Variants in TRRAP observed in about 807,000 individuals in gnomAD.
TRRAP encodes the protein transformation/transcription domain associated protein.
A neutral mutation model predicts 438.8 loss-of-function variants in TRRAP; 41 were observed. The observed-to-expected ratio is 0.09, with a 90% CI of 0.07 to 0.12. The LOEUF (loss-of-function observed/expected upper bound fraction) is 0.12, where lower values mean the gene tolerates loss of function less well. Ranked by LOEUF, TRRAP falls within the 10% of genes least tolerant of loss-of-function variation. TRRAP has a pLI of 1.00. For synonymous variants in TRRAP, 1,994 were observed against 1,962.9 expected (o/e 1.02, Z -0.42); for missense variants, 3,122 against 5,055.1 (o/e 0.62, Z 11.60).
At chr7:98,989,152 TG>T (rs1473492624) in intron 63 of TRRAP, among the ~76,000 whole-genome samples, 186 bp downstream of exon 63, 1 of 152,230 alleles carries the variant, frequency 6.6e-6, no homozygotes, top group East Asian at 1.9e-4. Flanking sequence ...AACTGAGGCC[TG>T]GACACTCTTA....
intron 23 of TRRAP, among the ~76,000 whole-genome samples, chr7:98,929,257 TA>T (rs1366901272): frequency 6.6e-6 from 1 of 152,088 alleles, no homozygotes; most frequent in South Asian, 2.1e-4. Context: ...AGCTAATTTT[TA>T]AAAAAATTTT....
intron 67 of TRRAP, chr7:98,998,916 G>T: frequency 2.0e-6 from 1 of 491,804 alleles, no homozygotes; most frequent in South Asian, 3.4e-5. Flanking sequence ...CCCCATGGTA[G>T]GTCAGTCTGC....
chr7:98,883,138 A>G (rs1795538648), intron 3 of TRRAP, among the ~76,000 whole-genome samples: 1 of 152,218 alleles, frequency 6.6e-6, no homozygotes, highest in South Asian at 2.1e-4. Context: ...ATTGTCCTGC[A>G]TGTCCCTCAG....
intron 45 of TRRAP, 95 bp from the exon 46 acceptor site, chr7:98,961,166 A>T: frequency 8.8e-7 from 1 of 1,138,414 alleles, no homozygotes; most frequent in Non-Finnish European, 1.3e-6. Flanking sequence ...CCAAATAATT[A>T]ATCCAGTGCT....
In TRRAP at chr7:98,910,217, T is replaced by TTCC; in HGVS notation, c.1512_1513insTCC (p.Pro504_Ala505insSer). ...CTGCTCCCTCCCCAGCCCCTGTCCC[T>TTCC]GCCCCACCTCCACCCCCGCCCCCAC... On this transcript the variant is annotated inframe_insertion, in exon 15 of 73. Transcript: ENST00000456197. 1.9e-6 allele frequency: 2 copies of TTCC among 1,045,582 alleles called. No homozygotes were observed. Among genetic ancestry groups the TTCC allele is most frequent in the Non-Finnish European group, 2.5e-6 (2 of 806,028 alleles). The allele number at this position is 1,045,582 out of a possible 1,614,324, so 64.8% of individuals were successfully genotyped here.
At position 98,917,508 on chromosome 7, in the gene TRRAP, G is replaced by C. The variant is rs1554409697; in HGVS notation, c.2451G>C (p.Leu817=). 1 of 1,614,184 alleles carries C rather than the reference G, an allele frequency of 6.2e-7. No individual in the cohort carries two copies. Among genetic ancestry groups the C allele is most frequent in the Admixed American group, 1.7e-5 (1 of 60,008 alleles). Residue 817 remains leucine (L), a synonymous_variant, in exon 20 of 73, where the codon CTG becomes CTC. Coordinates refer to ENST00000456197, the MANE Select transcript of TRRAP (RefSeq NM_001375524.1). ...TGTGTCTCACCGTCCCTGTGCGGCT[G>C]AGCTCGCTTTTGCCGTACCTGCCCA... The part of the protein sequence containing the change: ...VELCLTVPVR[L]SSLLPYLPML...
At chr7:98,993,498 G>A (rs894754532) in intron 65 of TRRAP, 40 bp from the exon 66 acceptor site, 9 of 1,598,434 alleles carry the variant, frequency 5.6e-6, no homozygotes, top group South Asian at 2.2e-5. Context: ...GGCGTCTGTC[G>A]GTTTTGCGCT....
chr7:98,969,556 CAG>C (rs1390502171), intron 51 of TRRAP, among the ~76,000 whole-genome samples: 1 of 152,236 alleles, frequency 6.6e-6, no homozygotes, highest in East Asian at 1.9e-4. Context: ...AGTGGGTGCT[CAG>C]GGAATATTCG....
In TRRAP at chr7:98,954,381, C is replaced by T. The variant is rs114652914; in HGVS notation, c.5731-717C>T. On this transcript the variant is annotated intron_variant, in intron 40 of 72. Coordinates refer to ENST00000456197, the MANE Select transcript of TRRAP (RefSeq NM_001375524.1). ...ATCACTGATAGTTCTTCTGTGAGAC[C>T]GTCTTTGACAGCTTTCCCCTGACAT... Among the ~76,000 whole-genome samples the T allele has an allele frequency of 5.2e-3, 786 of 152,334 alleles. 10 individuals are homozygous for T. Among genetic ancestry groups the T allele is most frequent in the African/African-American group, 0.018 (743 of 41,558 alleles).
intron 6 of TRRAP, 74 bp downstream of exon 6, chr7:98,893,955 T>C (rs1796085154): frequency 6.9e-7 from 1 of 1,451,394 alleles, no homozygotes; most frequent in African/African-American, 1.4e-5. Flanking sequence ...TTTTGCTGTC[T>C]CAAAGTTGGC....
At chr7:98,906,402 T>A (rs879969530) in intron 13 of TRRAP, 147 bp downstream of exon 13, 55 of 194,834 alleles carry the variant, frequency 2.8e-4, no homozygotes, top group South Asian at 6.4e-4. Context: ...TTTGTTTTTG[T>A]TTTATTTATT....
Position 98,881,160 on chromosome 7 carries a change from G to A in TRRAP, c.10G>A (p.Val4Ile). The change falls in exon 2 of 73, where the codon GTT becomes ATT. Residue 4 changes from valine (V) to isoleucine (I), a missense_variant. Transcript: ENST00000456197. ...CCAGCCCAAAAGAAAAATGGCGTTT[G>A]TTGCAACACAGGGGGCCACGGTGGT... MAF[V>I]ATQGATVVDQ... is the part of the protein sequence containing the mutation. The A allele has an allele frequency of 6.2e-7, 1 of 1,604,774 alleles. No homozygotes were observed. Among genetic ancestry groups the A allele is most frequent in the African/African-American group, 1.3e-5 (1 of 74,524 alleles).
At position 98,976,797 on chromosome 7, in the gene TRRAP, T is replaced by C. The variant is rs763463962; in HGVS notation, c.8247+27T>C. ...TGAGGGTGCGCCTCAGTTTGTTAAT[T>C]ACCTCTTCCCTGCCAGTGACTTCAC... On this transcript the variant is annotated intron_variant, in intron 55 of 72. Transcript: ENST00000456197. This position sits in a 1 kb window ranked among gnomAD's most constrained non-coding sequence, Gnocchi z 4.6. The C allele has an allele frequency of 1.2e-6, 2 of 1,608,100 alleles. No homozygotes were observed. The highest frequency in any genetic ancestry group is 1.3e-5 in the African/African-American group (1 of 74,888).
intron 70 of TRRAP, among the ~76,000 whole-genome samples, chr7:99,010,115 T>C (rs1317632976): frequency 6.6e-6 from 1 of 152,152 alleles, no homozygotes; most frequent in African/African-American, 2.4e-5. Flanking sequence ...CTTGAACTCC[T>C]GACCTCGTGA....
chr7:98,895,792 A>G lies in TRRAP; in HGVS notation c.479A>G (p.Gln160Arg), dbSNP rs1554405637. 2 of 1,607,002 alleles carry G rather than the reference A, an allele frequency of 1.2e-6. No individual in the cohort carries two copies. The highest frequency in any genetic ancestry group is 8.5e-7 in the Non-Finnish European group (1 of 1,177,222). Residue 160 changes from glutamine to arginine, a missense_variant, in exon 7 of 73, where the codon CAG (glutamine) becomes CGG (arginine). Gln to Arg is a conservative substitution (Grantham distance 43). Transcript: ENST00000456197. ...CATCATTTTCTGGATTTTGTGAAAC[A>G]GATTTACAAGGAGCTTCCAAAAGTA... The part of the protein sequence containing the change: ...EIHHFLDFVK[Q>R]IYKELPKVVN...
intron 65 of TRRAP, 65 bp downstream of exon 65, chr7:98,992,292 C>G: frequency 5.8e-6 from 9 of 1,544,002 alleles, no homozygotes; most frequent in Non-Finnish European, 8.0e-6. Context: ...TGCCCCACAT[C>G]CAGACAGACC....
chr7:98,943,291 G>A (rs1790887766), intron 31 of TRRAP, among the ~76,000 whole-genome samples: 1 of 152,176 alleles, frequency 6.6e-6, no homozygotes, highest in Non-Finnish European at 1.5e-5. Flanking sequence ...TTGAATGTTA[G>A]TATTTCAATT....
chr7:98,955,338 C>T (rs375997951), intron 41 of TRRAP, 34 bp downstream of exon 41: 8 of 1,567,622 alleles, frequency 5.1e-6, no homozygotes, highest in African/African-American at 2.7e-5. Context: ...GCGGGGCGCG[C>T]GTCTTCAGGC....
chr7:98,914,486 C>CTAT (rs1789426415), intron 18 of TRRAP, among the ~76,000 whole-genome samples: 4 of 151,382 alleles, frequency 2.6e-5, no homozygotes, highest in African/African-American at 7.3e-5. Context: ...CATTTTTTTG[C>CTAT]CAGCATTAGA....
Sources: allele counts gnomAD v4.1 joint callset (sites outside exome capture counted in the v4.1 genomes callset), GRCh38; gene constraint gnomAD v4.1.1; non-coding constraint Gnocchi (gnomAD v3.1); transcripts MANE v1.5; gene names NCBI Gene and HGNC (gene_info 2026-07-23, HGNC 2026-07-21).